Variants in CAMTA1 observed in about 807,000 individuals in gnomAD.
CAMTA1 encodes the protein calmodulin-binding transcription activator 1.
A neutral mutation model predicts 170.9 loss-of-function variants in CAMTA1; 27 were observed. That is an observed-to-expected ratio of 0.16 (90% CI 0.12 to 0.22). CAMTA1 has a LOEUF of 0.22. Ranked by LOEUF, CAMTA1 falls within the 10% of genes least tolerant of loss-of-function variation. CAMTA1 has a pLI of 1.00. For synonymous variants in CAMTA1, 833 were observed against 891.5 expected (o/e 0.93, Z 1.17); for missense variants, 1,619 against 2,217.2 (o/e 0.73, Z 5.42).
intron 5 of CAMTA1, among the ~76,000 whole-genome samples, chr1:7,298,384 C>G (rs1674285780): frequency 6.6e-6 from 1 of 152,190 alleles, no homozygotes; most frequent in Non-Finnish European, 1.5e-5. Context: ...TGTGGATCCC[C>G]TGGGGTCCCC....
At chr1:7,266,653 C>T (rs1225172680) in intron 5 of CAMTA1, among the ~76,000 whole-genome samples, 1 of 152,220 alleles carries the variant, frequency 6.6e-6, no homozygotes, top group Non-Finnish European at 1.5e-5. Context: ...GACTAGAGGA[C>T]AGTGTGCAAT....
intron 5 of CAMTA1, among the ~76,000 whole-genome samples, chr1:7,466,233 T>C (rs1428631232): frequency 6.6e-6 from 1 of 152,236 alleles, no homozygotes; most frequent in African/African-American, 2.4e-5. Context: ...CACCGTGTCT[T>C]GAAAACCAGA....
chr1:6,913,594 T>G (rs1211364520), intron 3 of CAMTA1, among the ~76,000 whole-genome samples: 1 of 152,192 alleles, frequency 6.6e-6, no homozygotes, highest in Non-Finnish European at 1.5e-5. Context: ...CCCTGGGTGC[T>G]GATCTCTTCT....
chr1:7,259,763 G>A (rs1490989568), intron 5 of CAMTA1, among the ~76,000 whole-genome samples: 3 of 152,200 alleles, frequency 2.0e-5, no homozygotes, highest in Non-Finnish European at 4.4e-5. Flanking sequence ...GGCAATGAGC[G>A]ATAGAGAATA....
rs1270216642 is a variant in CAMTA1 at position 7,677,788 on chromosome 1, G to A, written c.2914+55G>A. ...GGCACCAAGGGAGAGGGATGCTTGGGGACTCTTGCACAAGGTGTGAAAGAA... is the reference window on the plus strand; with the variant it reads ...GGCACCAAGGGAGAGGGATGCTTGGAGACTCTTGCACAAGGTGTGAAAGAA... On this transcript the variant is annotated intron_variant, in intron 11 of 22. Coordinates refer to ENST00000303635, the MANE Select transcript of CAMTA1 (RefSeq NM_015215.4). 3.2e-6 allele frequency: 5 copies of A among 1,573,580 alleles called. No individual in the cohort carries two copies. The Admixed American group carries it at 7.0e-5, about 22-fold the overall frequency.
In CAMTA1 at chr1:6,855,982, C is replaced by A. The variant is rs550692407; in HGVS notation, c.234+30772C>A. Among the ~76,000 whole-genome samples the A allele has an allele frequency of 5.9e-5, 9 of 152,234 alleles. No individual in the cohort carries two copies. In the Middle Eastern group the frequency reaches 0.01, roughly 173 times the overall value. ...CTTAATGGAAATCCACCCTCTGATACCTGCCAGAAGTTGCTCACTAGGGCG... is the reference window on the plus strand; with the variant it reads ...CTTAATGGAAATCCACCCTCTGATAACTGCCAGAAGTTGCTCACTAGGGCG... On this transcript the variant is annotated intron_variant, in intron 3 of 22. Transcript: ENST00000303635.
chr1:7,419,637 A>G (rs1006644169), intron 5 of CAMTA1, among the ~76,000 whole-genome samples: 8 of 152,160 alleles, frequency 5.3e-5, no homozygotes, highest in Non-Finnish European at 1.2e-4. Flanking sequence ...CCTGAAGTCT[A>G]GACTCAGACT....
intron 3 of CAMTA1, among the ~76,000 whole-genome samples, chr1:7,062,360 G>A (rs1708343376): frequency 1.3e-5 from 2 of 152,212 alleles, no homozygotes; most frequent in African/African-American, 4.8e-5. Context: ...ATTACAGTCA[G>A]CTAATGTAAA....
At chr1:7,188,287 T>C (rs1653848876) in intron 4 of CAMTA1, among the ~76,000 whole-genome samples, 1 of 152,210 alleles carries the variant, frequency 6.6e-6, no homozygotes, top group Admixed American at 6.5e-5. Context: ...ACCATTAAAC[T>C]TTTAAAAGGA....
intron 6 of CAMTA1, among the ~76,000 whole-genome samples, chr1:7,502,245 G>C (rs945310002): frequency 6.6e-6 from 1 of 152,174 alleles, no homozygotes; most frequent in Non-Finnish European, 1.5e-5. Context: ...CCTGGCCAAC[G>C]GCAAGCCTAA....
intron 21 of CAMTA1, among the ~76,000 whole-genome samples, chr1:7,755,377 C>T (rs2096924888): frequency 6.9e-6 from 1 of 145,112 alleles, no homozygotes; most frequent in African/African-American, 2.5e-5. Context: ...GACACCCTCT[C>T]AAAAAGGTAG....
chr1:7,295,619 CTG>C (rs1288982465), intron 5 of CAMTA1, among the ~76,000 whole-genome samples: 1 of 152,228 alleles, frequency 6.6e-6, no homozygotes, highest in Non-Finnish European at 1.5e-5. Flanking sequence ...AAAATGCCCA[CTG>C]TGTGAAATTT....
chr1:7,504,444 T>G (rs1181762816), intron 6 of CAMTA1, among the ~76,000 whole-genome samples: 1 of 152,232 alleles, frequency 6.6e-6, no homozygotes, highest in Non-Finnish European at 1.5e-5. Context: ...GACAGACCCC[T>G]GTCCGTCAGG....
chr1:7,720,423 C>T (rs898152913), intron 11 of CAMTA1, among the ~76,000 whole-genome samples: 2 of 152,032 alleles, frequency 1.3e-5, no homozygotes, highest in Non-Finnish European at 2.9e-5. Context: ...ACTTTGTCGC[C>T]CAGGCTGGAG....
chr1:7,760,952 G>T (rs1036240001), intron 22 of CAMTA1, among the ~76,000 whole-genome samples: 2 of 152,190 alleles, frequency 1.3e-5, no homozygotes, highest in African/African-American at 4.8e-5. Context: ...GCCATTGTTT[G>T]CTACAAGTTT....
At chr1:7,374,362 G>A (rs1014285680) in intron 5 of CAMTA1, among the ~76,000 whole-genome samples, 1 of 152,220 alleles carries the variant, frequency 6.6e-6, no homozygotes, top group Non-Finnish European at 1.5e-5. Flanking sequence ...GCTTCAAACT[G>A]GAAATGGAAG....
At position 7,300,451 on chromosome 1, in the gene CAMTA1, C is replaced by T. The variant is rs527391390; in HGVS notation, c.438+50825C>T. The stretch of plus-strand genomic sequence containing the variant: ...CCATACTTTGGGAGGCCAAGGCAGG[C>T]GGATCACCTGAGGTCAGGAGTTCGA... On this transcript the variant is annotated intron_variant, in intron 5 of 22. Coordinates refer to ENST00000303635, the MANE Select transcript of CAMTA1 (RefSeq NM_015215.4). The surrounding 1 kb of genome is among the most constrained non-coding windows in gnomAD (Gnocchi z 4.1). Among the ~76,000 whole-genome samples the T allele has an allele frequency of 2.0e-5, 3 of 152,300 alleles. No homozygotes were observed. Among genetic ancestry groups the T allele is most frequent in the Admixed American group, 6.5e-5 (1 of 15,300 alleles).
intron 11 of CAMTA1, among the ~76,000 whole-genome samples, chr1:7,686,995 G>A (rs1209176283): frequency 6.6e-6 from 1 of 152,030 alleles, no homozygotes; most frequent in Non-Finnish European, 1.5e-5. Context: ...TTTTGGTCAC[G>A]TTACAGCTGA....
At chr1:7,246,898 C>A (rs558131883) in intron 4 of CAMTA1, among the ~76,000 whole-genome samples, 2 of 152,056 alleles carry the variant, frequency 1.3e-5, no homozygotes, top group African/African-American at 2.4e-5. Context: ...AAACTCCTGT[C>A]CTCAAGTGAT....
Sources: allele counts gnomAD v4.1 joint callset (sites outside exome capture counted in the v4.1 genomes callset), GRCh38; gene constraint gnomAD v4.1.1; non-coding constraint Gnocchi (gnomAD v3.1); transcripts MANE v1.5; gene names NCBI Gene and HGNC (gene_info 2026-07-23, HGNC 2026-07-21).